NALCN: variants seen among roughly 807,000 people sequenced by gnomAD.
NALCN encodes sodium leak channel NALCN.
Under a neutral mutation model 225.3 loss-of-function variants are expected in NALCN, and 111 were observed. That is an observed-to-expected ratio of 0.49 (90% CI 0.42 to 0.58). The LOEUF is 0.58. Ranked by LOEUF, NALCN falls within the 20% of genes least tolerant of loss-of-function variation. The pLI is 0.00. For synonymous variants in NALCN, 764 were observed against 769.0 expected (o/e 0.99, Z 0.11); for missense variants, 1,378 against 2,202.4 (o/e 0.63, Z 7.49).
chr13:101,282,087 C>T (rs540376), intron 10 of NALCN, among the ~76,000 whole-genome samples: 35,024 of 151,976 alleles, frequency 0.23, 4,758 homozygotes, highest in Non-Finnish European at 0.31. Context: ...CATTCTGAAA[C>T]GCAGTATGGA....
chr13:101,197,986 G>A (rs921435757), intron 13 of NALCN, among the ~76,000 whole-genome samples: 1 of 152,174 alleles, frequency 6.6e-6, no homozygotes, highest in African/African-American at 2.4e-5. Flanking sequence ...ACCTAATGGA[G>A]AAGAAAGATT....
At chr13:101,375,694 T>C (rs981018235) in intron 6 of NALCN, among the ~76,000 whole-genome samples, 1 of 152,194 alleles carries the variant, frequency 6.6e-6, no homozygotes, top group African/African-American at 2.4e-5. Context: ...ATCGGTAATT[T>C]ATGGATGAGT....
intron 13 of NALCN, among the ~76,000 whole-genome samples, chr13:101,224,784 G>A (rs543528044): frequency 1.8e-4 from 28 of 152,134 alleles, no homozygotes; most frequent in Non-Finnish European, 3.4e-4. Context: ...TAAGCACCAA[G>A]ACCCTCCCAT....
At chr13:101,330,432 G>C (rs899118163) in intron 7 of NALCN, among the ~76,000 whole-genome samples, 2 of 152,104 alleles carry the variant, frequency 1.3e-5, no homozygotes, top group African/African-American at 2.4e-5. Context: ...TCTCTACAAA[G>C]CTGGGTGTTA....
At position 101,296,574 on chromosome 13, in the gene NALCN, TA is replaced by T. The variant is rs770698512; in HGVS notation, c.800-4209del. Among the ~76,000 whole-genome samples, 5 of 152,358 alleles carry T rather than the reference TA, an allele frequency of 3.3e-5. 1 individual carries two copies. The highest frequency in any genetic ancestry group is 1.9e-4 in the East Asian group (1 of 5,186). On this transcript the variant is annotated intron_variant, in intron 7 of 43. Transcript: ENST00000251127. ...TATTTTTTCTAGATGTGCTACAGAATATTTTTAGTCCATTTTAATTATAGAA... is the reference window on the plus strand; with the variant it reads ...TATTTTTTCTAGATGTGCTACAGAATTTTTTAGTCCATTTTAATTATAGAA...
intron 10 of NALCN, among the ~76,000 whole-genome samples, chr13:101,275,775 G>T (rs2042949342): frequency 6.6e-6 from 1 of 152,070 alleles, no homozygotes; most frequent in Non-Finnish European, 1.5e-5. Flanking sequence ...ATGTTCCTAG[G>T]CTTTTCTTTT....
intron 30 of NALCN, among the ~76,000 whole-genome samples, chr13:101,088,585 T>G (rs2034049398): frequency 6.6e-6 from 1 of 152,212 alleles, no homozygotes; most frequent in Non-Finnish European, 1.5e-5. Flanking sequence ...ATTTGAGAGT[T>G]GTGAGAATTG....
Position 101,095,172 on chromosome 13 carries a change from A to G in NALCN, c.3269+402T>C, listed in dbSNP as rs968564690. Among the ~76,000 whole-genome samples, 5 of 152,176 alleles carry G rather than the reference A, an allele frequency of 3.3e-5. No individual in the cohort carries two copies. The East Asian group carries it at 9.6e-4, about 29-fold the overall frequency. On this transcript the variant is annotated intron_variant, in intron 28 of 43. Coordinates refer to ENST00000251127, the MANE Select transcript of NALCN (RefSeq NM_052867.4). ...TCAGTGTAAATGGGTTTTAAAATGG[A>G]AATAGCTTTATGATTTAGGGTTCTA...
At chr13:101,200,040 C>G (rs930896526) in intron 13 of NALCN, among the ~76,000 whole-genome samples, 1 of 152,030 alleles carries the variant, frequency 6.6e-6, no homozygotes, top group Non-Finnish European at 1.5e-5. Flanking sequence ...TCACTACCTG[C>G]TTGATCTCAT....
At chr13:101,175,243 TTTG>T (rs934441371) in intron 15 of NALCN, among the ~76,000 whole-genome samples, 4 of 150,618 alleles carry the variant, frequency 2.7e-5, no homozygotes, top group Non-Finnish European at 4.4e-5. Context: ...ACAATTTTTT[TTTG>T]TTTGTTTGTT....
chr13:101,092,789 C>T (rs1295824870), intron 28 of NALCN, among the ~76,000 whole-genome samples: 1 of 152,146 alleles, frequency 6.6e-6, no homozygotes, highest in African/African-American at 2.4e-5. Flanking sequence ...CCCTATAAAA[C>T]CTGATCACCT....
intron 42 of NALCN, among the ~76,000 whole-genome samples, 154 bp downstream of exon 42, chr13:101,059,664 T>C (rs892647800): frequency 7.0e-6 from 1 of 142,930 alleles, no homozygotes; most frequent in Non-Finnish European, 1.5e-5. Flanking sequence ...GATCAATGGA[T>C]TTCCGTTGCC....
intron 1 of NALCN, among the ~76,000 whole-genome samples, chr13:101,409,572 A>G (rs183124504): frequency 0.014 from 2,175 of 152,272 alleles, 22 homozygotes; most frequent in Non-Finnish European, 0.024. Flanking sequence ...TATCATTTAT[A>G]TATTATGAAA....
chr13:101,209,090 C>T (rs991261356), intron 13 of NALCN, among the ~76,000 whole-genome samples: 3 of 151,984 alleles, frequency 2.0e-5, no homozygotes, highest in Non-Finnish European at 4.4e-5. Context: ...TTTTTTATAA[C>T]GTCCATAATT....
intron 37 of NALCN, among the ~76,000 whole-genome samples, chr13:101,070,195 T>C (rs527307511): frequency 6.7e-6 from 1 of 150,338 alleles, no homozygotes; most frequent in African/African-American, 2.4e-5. Flanking sequence ...GCCTCCCGAG[T>C]AGCTGAGTCT....
At chr13:101,086,971 T>C (rs1260255498) in intron 30 of NALCN, among the ~76,000 whole-genome samples, 4 of 152,128 alleles carry the variant, frequency 2.6e-5, no homozygotes, top group Admixed American at 1.3e-4. Flanking sequence ...TACTTTGTTA[T>C]ACATAAAAAA....
rs1428388183 is a variant in NALCN, at chr13:101,055,919, G to GCCTCAC, written c.5024-437_5024-432dup. Among the ~76,000 whole-genome samples the GCCTCAC allele has an allele frequency of 5.8e-4, 89 of 152,226 alleles. 1 individual carries two copies. The highest frequency in any genetic ancestry group is 2.4e-3 in the Admixed American group (36 of 15,300). On this transcript the variant is annotated intron_variant, in intron 43 of 43. Coordinates refer to ENST00000251127, the MANE Select transcript of NALCN (RefSeq NM_052867.4). ...ATGGGAGGAAAGGTGTGGTTCTGGGGCCTCACAGTCATGGTGTTGGGACCC... is the reference window on the plus strand; with the variant it reads ...ATGGGAGGAAAGGTGTGGTTCTGGGGCCTCACCCTCACAGTCATGGTGTTGGGACCC...
chr13:101,253,935 T>C (rs894899062), intron 11 of NALCN, among the ~76,000 whole-genome samples: 4 of 152,222 alleles, frequency 2.6e-5, no homozygotes, highest in African/African-American at 9.6e-5. Flanking sequence ...GAATATATTA[T>C]GAAAAAGTAA....
chr13:101,346,596 G>A (rs535656369), intron 6 of NALCN, among the ~76,000 whole-genome samples: 1 of 152,282 alleles, frequency 6.6e-6, no homozygotes, highest in South Asian at 2.1e-4. Flanking sequence ...AGGTGATTTA[G>A]TGATAGCTCT....
Sources: allele counts gnomAD v4.1 joint callset (sites outside exome capture counted in the v4.1 genomes callset), GRCh38; gene constraint gnomAD v4.1.1; transcripts MANE v1.5; gene names NCBI Gene and HGNC (gene_info 2026-07-23, HGNC 2026-07-21).